EHHADH: variants seen among roughly 807,000 people sequenced by gnomAD.
EHHADH encodes enoyl-CoA hydratase and 3-hydroxyacyl CoA dehydrogenase.
A neutral mutation model predicts 64.4 loss-of-function variants in EHHADH; 48 were observed. The observed-to-expected ratio is 0.75, with a 90% CI of 0.59 to 0.95. The LOEUF (loss-of-function observed/expected upper bound fraction) is 0.95. EHHADH is among the 40% of genes least tolerant of loss of function. The pLI, the probability that EHHADH is intolerant of heterozygous loss-of-function variation, is 0.00. For missense variants in EHHADH, 854 were observed against 876.6 expected, an observed-to-expected ratio of 0.97 and a Z score of 0.33; for synonymous variants, 308 against 326.7, an observed-to-expected ratio of 0.94 and a Z score of 0.62.
At chr3:185,200,794 G>C (rs542486085) in intron 6 of EHHADH, among the ~76,000 whole-genome samples, 1 of 152,134 alleles carries the variant, frequency 6.6e-6, no homozygotes, top group Non-Finnish European at 1.5e-5. Context: ...GTGTGAGAAC[G>C]TGAACTTGCA....
intron 1 of EHHADH, among the ~76,000 whole-genome samples, chr3:185,250,722 C>T (rs1380840499): frequency 6.6e-6 from 1 of 152,156 alleles, no homozygotes; most frequent in African/African-American, 2.4e-5. Flanking sequence ...TTCCCTTACA[C>T]CTAATTACTT....
intron 1 of EHHADH, chr3:185,253,377 A>G (rs1416773788): frequency 1.5e-5 from 2 of 132,438 alleles, no homozygotes; most frequent in African/African-American, 5.8e-5. Flanking sequence ...CTAAGTTAAG[A>G]CCTTTGGATT....
chr3:185,243,900 C>A (rs1044172227), intron 2 of EHHADH, among the ~76,000 whole-genome samples: 1 of 152,142 alleles, frequency 6.6e-6, no homozygotes, highest in African/African-American at 2.4e-5. Flanking sequence ...TCCATAGTTT[C>A]TTTGTTGATT....
intron 3 of EHHADH, among the ~76,000 whole-genome samples, chr3:185,233,653 G>T (rs946360165): frequency 1.3e-5 from 2 of 151,994 alleles, no homozygotes; most frequent in African/African-American, 4.8e-5. Flanking sequence ...TTTTTTTGTT[G>T]TTGTTTGTTT....
intron 5 of EHHADH, 66 bp downstream of exon 5, chr3:185,218,070 T>C: frequency 8.1e-7 from 1 of 1,234,110 alleles, no homozygotes. Flanking sequence ...CGGCCAGGAG[T>C]TTCTTATTTA....
At chr3:185,219,333 G>A (rs1014757273) in intron 4 of EHHADH, among the ~76,000 whole-genome samples, 1 of 152,182 alleles carries the variant, frequency 6.6e-6, no homozygotes, top group Non-Finnish European at 1.5e-5. Context: ...CATGACCCCA[G>A]TTAGTGAACT....
intron 5 of EHHADH, among the ~76,000 whole-genome samples, chr3:185,213,764 C>A (rs1300612389): frequency 6.6e-6 from 1 of 151,516 alleles, no homozygotes; most frequent in Non-Finnish European, 1.5e-5. Flanking sequence ...CCTGTAATCC[C>A]AGCTACTCCA....
At chr3:185,251,224 C>T (rs904993230) in intron 1 of EHHADH, among the ~76,000 whole-genome samples, 4 of 150,574 alleles carry the variant, frequency 2.7e-5, no homozygotes, top group African/African-American at 9.8e-5. Flanking sequence ...TTTTTTTAGA[C>T]AGTTTTTTTT....
intron 5 of EHHADH, among the ~76,000 whole-genome samples, chr3:185,208,736 A>C (rs1255274368): frequency 6.6e-6 from 1 of 152,242 alleles, no homozygotes; most frequent in Non-Finnish European, 1.5e-5. Context: ...TATTCATGGC[A>C]GCATTATTTA....
chr3:185,215,865 T>G (rs751156779), intron 5 of EHHADH, among the ~76,000 whole-genome samples: 1 of 152,214 alleles, frequency 6.6e-6, no homozygotes, highest in Admixed American at 6.5e-5. Flanking sequence ...TGATCATTAC[T>G]CTATACACGA....
chr3:185,253,787 A>T, intron 1 of EHHADH, 162 bp downstream of exon 1: 8 of 1,331,040 alleles, frequency 6.0e-6, no homozygotes, highest in South Asian at 1.8e-5. Flanking sequence ...GAAAAGAAAA[A>T]GAAAGAAAGA....
intron 4 of EHHADH, among the ~76,000 whole-genome samples, chr3:185,218,597 C>T (rs1016018121): frequency 1.3e-5 from 2 of 152,014 alleles, no homozygotes; most frequent in Admixed American, 1.3e-4. Context: ...TATAGAAGTA[C>T]TTTATGAACT....
chr3:185,246,871 T>C (rs1041391829), intron 2 of EHHADH, among the ~76,000 whole-genome samples: 2 of 152,144 alleles, frequency 1.3e-5, no homozygotes, highest in African/African-American at 4.8e-5. Flanking sequence ...AATATATATT[T>C]TTAAAGCTAT....
chr3:185,249,981 C>A (rs547030288), intron 1 of EHHADH, among the ~76,000 whole-genome samples: 44 of 152,298 alleles, frequency 2.9e-4, no homozygotes, highest in Middle Eastern at 6.8e-3. Context: ...AGATCAGGAG[C>A]AGCCACCTTG....
chr3:185,196,300 C>G lies in EHHADH; in HGVS notation c.911-2813G>C, dbSNP rs150077732. Among the ~76,000 whole-genome samples, 254 of 152,152 alleles carry G rather than the reference C, an allele frequency of 1.7e-3. 1 individual carries two copies. In the East Asian group the frequency reaches 0.041, roughly 25 times the overall value. ...AATAAAAATAAATTTCATTTTCTCA[C>G]GTTAAAAAATTAGCCAAAAAATAGA... On this transcript the variant is annotated intron_variant, in intron 6 of 6. Transcript: ENST00000231887.
chr3:185,227,763 T>G (rs1438201380), intron 4 of EHHADH, among the ~76,000 whole-genome samples: 1 of 151,832 alleles, frequency 6.6e-6, no homozygotes, highest in Non-Finnish European at 1.5e-5. Context: ...GAGGCGGAGG[T>G]TGTGGTGAGT....
chr3:185,234,669 T>C (rs1295682602), intron 3 of EHHADH, among the ~76,000 whole-genome samples: 1 of 146,724 alleles, frequency 6.8e-6, no homozygotes, highest in South Asian at 2.2e-4. Context: ...AGAGAGGCCC[T>C]AGGGCTAAGG....
chr3:185,207,457 C>G (rs1718428235), intron 5 of EHHADH, among the ~76,000 whole-genome samples: 1 of 152,124 alleles, frequency 6.6e-6, no homozygotes. Flanking sequence ...AGGACTCGAC[C>G]TGTTGGCACT....
At chr3:185,250,607 AAAAC>A (rs1332128040) in intron 1 of EHHADH, among the ~76,000 whole-genome samples, 1 of 152,248 alleles carries the variant, frequency 6.6e-6, no homozygotes, top group East Asian at 1.9e-4. Context: ...ATTTTAAAAC[AAAAC>A]AAACAACAAC....
Sources: allele counts gnomAD v4.1 joint callset (sites outside exome capture counted in the v4.1 genomes callset), GRCh38; gene constraint gnomAD v4.1.1; transcripts MANE v1.5; gene names NCBI Gene and HGNC (gene_info 2026-07-23, HGNC 2026-07-21).